The following ROBO1 variants were observed in gnomAD, a reference collection of about 807,000 sequenced individuals.
The protein encoded by ROBO1 is roundabout homolog 1.
Under a neutral mutation model 195.9 loss-of-function variants are expected in ROBO1, and 149 were observed. The observed-to-expected ratio is 0.76, with a 90% CI of 0.67 to 0.87. The LOEUF (loss-of-function observed/expected upper bound fraction) is 0.87. Ranked by LOEUF, ROBO1 falls within the 40% of genes least tolerant of loss-of-function variation. The probability of loss-of-function intolerance (pLI) is 0.00; values close to 1 mark genes in which losing one functional copy is unlikely to be tolerated. For missense variants in ROBO1, 1,933 were observed against 2,068.3 expected, an observed-to-expected ratio of 0.93 and a Z score of 1.27; for synonymous variants, 816 against 733.2, an observed-to-expected ratio of 1.11 and a Z score of -1.82.
rs144591744 is a variant in ROBO1, at chr3:79,032,879, T to A, written c.172+92577A>T. Among the ~76,000 whole-genome samples, 477 of 152,140 alleles carry A rather than the reference T, an allele frequency of 3.1e-3. 7 individuals are homozygous for A. Among genetic ancestry groups the A allele is most frequent in the African/African-American group, 9.9e-3 (411 of 41,564 alleles). ...ATGAAATGTTTCAATTGGTTGAGGA[T>A]GTTTAGTACACAATGCTCTATTGCC... is the stretch of plus-strand genomic sequence containing the variant. On this transcript the variant is annotated intron_variant, in intron 3 of 30. Coordinates refer to ENST00000464233, the MANE Select transcript of ROBO1 (RefSeq NM_002941.4).
At chr3:79,023,671 ATT>A (rs34267931) in intron 3 of ROBO1, among the ~76,000 whole-genome samples, 4 of 114,844 alleles carry the variant, frequency 3.5e-5, no homozygotes, top group Admixed American at 2.0e-4. Flanking sequence ...AATAGGGCCA[ATT>A]TTTTTTTTTT....
intron 28 of ROBO1, among the ~76,000 whole-genome samples, chr3:78,609,606 A>T (rs1703670396): frequency 6.6e-6 from 1 of 152,162 alleles, no homozygotes; most frequent in Non-Finnish European, 1.5e-5. Flanking sequence ...TTTTTTGGAA[A>T]AGTTTGCCTA....
intron 3 of ROBO1, among the ~76,000 whole-genome samples, chr3:79,079,759 G>T (rs1239562496): frequency 6.6e-6 from 1 of 151,446 alleles, no homozygotes; most frequent in African/African-American, 2.4e-5. Flanking sequence ...ATAAGACAGG[G>T]TGAGAAAAAA....
chr3:78,624,596 T>C (rs1217331647), intron 26 of ROBO1, among the ~76,000 whole-genome samples: 1 of 152,154 alleles, frequency 6.6e-6, no homozygotes, highest in Non-Finnish European at 1.5e-5. Context: ...ACTCCAATTA[T>C]TCCATAGTAT....
At chr3:78,695,657 A>G (rs886546775) in intron 8 of ROBO1, among the ~76,000 whole-genome samples, 2 of 151,572 alleles carry the variant, frequency 1.3e-5, no homozygotes, top group African/African-American at 2.4e-5. Flanking sequence ...AAGAAAACAG[A>G]AAAATATTTT....
In ROBO1 at chr3:79,315,652, G is replaced by C. The variant is rs1358169533; in HGVS notation, c.89-190113C>G. On this transcript the variant is annotated intron_variant, in intron 2 of 30. Coordinates refer to ENST00000464233, the MANE Select transcript of ROBO1 (RefSeq NM_002941.4). The stretch of plus-strand genomic sequence containing the variant: ...GTTCTGAGATGAGAAAGTACAGGGA[G>C]AGCAGTTAACGGAAACATTTTTTGA... Among the ~76,000 whole-genome samples the C allele has an allele frequency of 9.2e-5, 14 of 152,086 alleles. 1 individual carries two copies. Among genetic ancestry groups the C allele is most frequent in the Non-Finnish European group, 2.1e-4 (14 of 68,034 alleles).
chr3:78,724,341 G>C (rs1052670048), intron 5 of ROBO1, among the ~76,000 whole-genome samples: 1 of 151,790 alleles, frequency 6.6e-6, no homozygotes, highest in Admixed American at 6.6e-5. Context: ...GACCCTGATC[G>C]AATATAACAT....
At chr3:79,628,246 A>C (rs1289592538) in intron 1 of ROBO1, among the ~76,000 whole-genome samples, 2 of 152,238 alleles carry the variant, frequency 1.3e-5, no homozygotes, top group Non-Finnish European at 2.9e-5. Context: ...AATGCCCATC[A>C]ATGATAGACA....
chr3:79,313,340 A>G (rs921940120), intron 2 of ROBO1, among the ~76,000 whole-genome samples: 5 of 152,224 alleles, frequency 3.3e-5, no homozygotes, highest in African/African-American at 1.2e-4. Context: ...GACAAGGAAC[A>G]AGATTTAAAA....
chr3:78,975,465 G>A (rs536093336), intron 3 of ROBO1, among the ~76,000 whole-genome samples: 1 of 152,078 alleles, frequency 6.6e-6, no homozygotes, highest in South Asian at 2.1e-4. Flanking sequence ...AAAAGAATGA[G>A]AATTGGTTCT....
intron 2 of ROBO1, among the ~76,000 whole-genome samples, chr3:79,158,732 C>G (rs993817923): frequency 6.6e-6 from 1 of 151,756 alleles, no homozygotes; most frequent in African/African-American, 2.4e-5. Context: ...ACCTTAGCCT[C>G]TATTTCATTG....
rs2108050899 is a variant in ROBO1 at position 78,714,398 on chromosome 3, T to C, written c.1044A>G (p.Gln348=). The stretch of plus-strand genomic sequence containing the variant: ...AACAAAGCCTTTCCCAATGCCTACC[T>C]TGAACAGTCAGAGTAGCAGATGCTT... ...KAEASATLTV[Q]EPPHFVVKPR... The change falls in exon 8 of 31, where the codon CAA becomes CAG. Residue 348 remains glutamine (Q), a splice_region_variant and synonymous_variant. Transcript: ENST00000464233. 6.2e-7 allele frequency: 1 copy of C among 1,611,282 alleles called. No homozygotes were observed. The highest frequency in any genetic ancestry group is 2.2e-5 in the East Asian group (1 of 44,828).
At chr3:78,912,263 A>G (rs1456646385) in intron 4 of ROBO1, among the ~76,000 whole-genome samples, 1 of 152,122 alleles carries the variant, frequency 6.6e-6, no homozygotes, top group Non-Finnish European at 1.5e-5. Context: ...GGACAGAAAG[A>G]GAGCATGGTT....
At chr3:79,251,115 T>C (rs2082721007) in intron 2 of ROBO1, among the ~76,000 whole-genome samples, 1 of 152,204 alleles carries the variant, frequency 6.6e-6, no homozygotes, top group South Asian at 2.1e-4. Context: ...TATGAATGTC[T>C]GTTTCGAATA....
At chr3:78,960,562 C>T (rs1394678249) in intron 3 of ROBO1, among the ~76,000 whole-genome samples, 1 of 151,860 alleles carries the variant, frequency 6.6e-6, no homozygotes, top group Admixed American at 6.6e-5. Context: ...AGGTGAATCA[C>T]GAGGTCAAGA....
rs116724321 is a variant in ROBO1, at chr3:79,013,903, A to G, written c.173-74976T>C. 2.4e-3 allele frequency among the ~76,000 whole-genome samples: 371 copies of G among 152,158 alleles called. 1 individual carries two copies. Among genetic ancestry groups the G allele is most frequent in the South Asian group, 3.3e-3 (16 of 4,824 alleles). ...TGGAACTCCATCTCATCTTTTAATT[A>G]TTTCCTTCTTTCACTTTACTGGTCT... On this transcript the variant is annotated intron_variant, in intron 3 of 30. Coordinates refer to ENST00000464233, the MANE Select transcript of ROBO1 (RefSeq NM_002941.4).
intron 3 of ROBO1, among the ~76,000 whole-genome samples, chr3:79,061,539 G>C (rs2078917721): frequency 6.6e-6 from 1 of 152,122 alleles, no homozygotes; most frequent in Non-Finnish European, 1.5e-5. Context: ...AGCCCATATA[G>C]CCAAGATAAT....
At chr3:79,738,561 C>T (rs1703490163) in intron 1 of ROBO1, among the ~76,000 whole-genome samples, 3 of 152,084 alleles carry the variant, frequency 2.0e-5, no homozygotes, top group Admixed American at 2.0e-4. Flanking sequence ...GTGAGAACTG[C>T]AATCATTTTC....
chr3:79,148,134 C>G (rs1374414359), intron 2 of ROBO1, among the ~76,000 whole-genome samples: 1 of 151,820 alleles, frequency 6.6e-6, no homozygotes, highest in African/African-American at 2.4e-5. Flanking sequence ...ATTCCTCCCT[C>G]TTCTTTGAGA....
Sources: allele counts gnomAD v4.1 joint callset (sites outside exome capture counted in the v4.1 genomes callset), GRCh38; gene constraint gnomAD v4.1.1; transcripts MANE v1.5; gene names NCBI Gene and HGNC (gene_info 2026-07-23, HGNC 2026-07-21).